Variants in TSPAN33 observed in about 807,000 individuals in gnomAD.
The protein encoded by TSPAN33 is tetraspanin 33.
In TSPAN33, 27 loss-of-function variants were observed where a neutral mutation model predicts 34.8. The observed-to-expected ratio is 0.78, with a 90% CI of 0.57 to 1.07. The LOEUF is 1.07. Among genes scored for constraint, TSPAN33 ranks in the 50% least tolerant of loss-of-function variants. The probability of loss-of-function intolerance (pLI) is 0.00; values close to 1 mark genes in which losing one functional copy is unlikely to be tolerated. For synonymous variants in TSPAN33, 119 were observed against 124.2 expected (o/e 0.96, Z 0.28); for missense variants, 272 against 324.9 (o/e 0.84, Z 1.25).
In TSPAN33 at chr7:129,161,676, C is replaced by G. The variant is rs1171493837; in HGVS notation, c.103-3C>G. 1 of 1,614,044 alleles carries G rather than the reference C, an allele frequency of 6.2e-7. No homozygotes were observed. The highest frequency in any genetic ancestry group is 1.7e-5 in the Admixed American group (1 of 60,004). On this transcript the variant is annotated splice_polypyrimidine_tract_variant and splice_region_variant and intron_variant, in intron 1 of 7. Coordinates refer to ENST00000486685, the MANE Select transcript of TSPAN33 (RefSeq NM_178562.5). ...GGGTCTGGCTCTTTTCCTGTCTCCA[C>G]AGGTGATTTCCATGGTGATGGTGGC...
chr7:129,144,977 G>A lies in TSPAN33; in HGVS notation c.-4G>A, dbSNP rs774793825. 9.5e-6 allele frequency: 6 copies of A among 634,234 alleles called. No individual in the cohort carries two copies. The highest frequency in any genetic ancestry group is 5.6e-5 in the Admixed American group (2 of 36,016). 39.3% of individuals were successfully genotyped at this position (634,234 alleles called of 1,614,324 possible). ...CCCCCGGGGGCGGTGGCGGCGGCGGGGCCATGGCGCGGAGACCCCGGGCGC... is the reference window on the plus strand; with the variant it reads ...CCCCCGGGGGCGGTGGCGGCGGCGGAGCCATGGCGCGGAGACCCCGGGCGC... On this transcript the variant is annotated 5_prime_UTR_variant, in exon 1 of 8. Coordinates refer to ENST00000486685, the MANE Select transcript of TSPAN33 (RefSeq NM_178562.5).
chr7:129,151,087 C>A lies in TSPAN33; in HGVS notation c.102+6005C>A, dbSNP rs932390871. Among the ~76,000 whole-genome samples, 4 of 152,142 alleles carry A rather than the reference C, an allele frequency of 2.6e-5. No homozygotes were observed. In the South Asian group the frequency reaches 8.3e-4, roughly 32 times the overall value. ...CTCTGCTTCTCAAGGCTTGTCACAC[C>A]ACCTTGGCCTTTTAAAACTTTTATT... On this transcript the variant is annotated intron_variant, in intron 1 of 7. Transcript: ENST00000486685.
At chr7:129,147,723 T>C (rs761022808) in intron 1 of TSPAN33, among the ~76,000 whole-genome samples, 1 of 152,190 alleles carries the variant, frequency 6.6e-6, no homozygotes, top group Admixed American at 6.5e-5. Context: ...CAGTGGTTAT[T>C]GTGTCTGTGC....
chr7:129,163,436 G>C (rs935031340), intron 4 of TSPAN33, among the ~76,000 whole-genome samples: 3 of 147,414 alleles, frequency 2.0e-5, no homozygotes, highest in African/African-American at 7.6e-5. Flanking sequence ...TGATCCTCCT[G>C]CCTCCATCTC....
Position 129,162,479 on chromosome 7 carries a change from C to T in TSPAN33, c.246C>T (p.Gly82=), listed in dbSNP as rs372845389. The T allele has an allele frequency of 3.9e-5, 63 of 1,613,938 alleles. No individual in the cohort carries two copies. The African/African-American group carries it at 5.6e-4, about 14-fold the overall frequency. Residue 82 remains glycine, a synonymous_variant, in exon 3 of 8, where the codon GGC becomes GGT. Coordinates refer to ENST00000486685, the MANE Select transcript of TSPAN33 (RefSeq NM_178562.5). Reference sequence around the variant, plus strand: ...TCATGTTCCTGCTCACCTTCTGTGGCTGCATTGGGTCCCTCCGCGAGAACA... The same window carrying T: ...TCATGTTCCTGCTCACCTTCTGTGGTTGCATTGGGTCCCTCCGCGAGAACA... ...GVLMFLLTFC[G]CIGSLRENIC...
rs1259089842 is a variant in TSPAN33 at position 129,144,789 on chromosome 7, T to A, written c.-192T>A. On this transcript the variant is annotated 5_prime_UTR_variant, in exon 1 of 8. Transcript: ENST00000486685. Reference sequence around the variant, plus strand: ...CGCTGCCCACCGCGGCTCCAGCAGCTCCAGGCGCGGTTCCCCGGCCCGCGC... The same window carrying A: ...CGCTGCCCACCGCGGCTCCAGCAGCACCAGGCGCGGTTCCCCGGCCCGCGC... 1 of 148,442 alleles carries A rather than the reference T, an allele frequency of 6.7e-6. No individual in the cohort carries two copies. Among genetic ancestry groups the A allele is most frequent in the Admixed American group, 6.7e-5 (1 of 14,974 alleles). 9.2% of individuals were successfully genotyped at this position (148,442 alleles called of 1,614,324 possible). A position where few individuals can be genotyped will look rare whatever the true frequency, so the allele number is the denominator to read the frequency against.
rs1338337407 is a variant in TSPAN33, at chr7:129,165,304, T to G, written c.459+735T>G. On this transcript the variant is annotated intron_variant, in intron 5 of 7. Transcript: ENST00000486685. This position sits in a 1 kb window ranked among gnomAD's most constrained non-coding sequence, Gnocchi z 4.5. The stretch of plus-strand genomic sequence containing the variant: ...TCCTCTCCTGAAATTCTGTATCCAT[T>G]GAACACTAAAGCCCCATTTTCCTCT... Among the ~76,000 whole-genome samples the G allele has an allele frequency of 1.3e-5, 2 of 152,226 alleles. No homozygotes were observed. The highest frequency in any genetic ancestry group is 2.9e-5 in the Non-Finnish European group (2 of 68,040).
At position 129,165,583 on chromosome 7, in the gene TSPAN33, C is replaced by G. The variant is rs574987115; in HGVS notation, c.459+1014C>G. Among the ~76,000 whole-genome samples, 1 of 152,186 alleles carries G rather than the reference C, an allele frequency of 6.6e-6. No homozygotes were observed. Among genetic ancestry groups the G allele is most frequent in the Non-Finnish European group, 1.5e-5 (1 of 68,036 alleles). On this transcript the variant is annotated intron_variant, in intron 5 of 7. Coordinates refer to ENST00000486685, the MANE Select transcript of TSPAN33 (RefSeq NM_178562.5). The surrounding 1 kb of genome is among the most constrained non-coding windows in gnomAD (Gnocchi z 4.5). ...GGAGAAAAGGGTTGCTTCCACCGTT[C>G]GGCTACTGTGAACAAGGCTGCTATG...
intron 1 of TSPAN33, among the ~76,000 whole-genome samples, chr7:129,150,660 G>A (rs1353608686): frequency 6.6e-6 from 1 of 152,170 alleles, no homozygotes; most frequent in Non-Finnish European, 1.5e-5. Flanking sequence ...TGCCCTCTTG[G>A]GTTTGTGGTC....
chr7:129,146,866 A>T (rs1052491096), intron 1 of TSPAN33, among the ~76,000 whole-genome samples: 6 of 152,062 alleles, frequency 3.9e-5, no homozygotes, highest in African/African-American at 7.2e-5. Flanking sequence ...CCTTGGAGCC[A>T]TTGGTACCTC....
At position 129,148,799 on chromosome 7, in the gene TSPAN33, C is replaced by T. The variant is rs971522236; in HGVS notation, c.102+3717C>T. ...GTCTTCCCTAGGCTGAGCCAAGCCA[C>T]CAGTGGGGCATCTTCTTCAAGAAAT... On this transcript the variant is annotated intron_variant, in intron 1 of 7. Transcript: ENST00000486685. This position sits in a 1 kb window ranked among gnomAD's most constrained non-coding sequence, Gnocchi z 4.2. Among the ~76,000 whole-genome samples, 25 of 152,308 alleles carry T rather than the reference C, an allele frequency of 1.6e-4. No individual in the cohort carries two copies. The highest frequency in any genetic ancestry group is 5.3e-4 in the African/African-American group (22 of 41,568).
chr7:129,149,229 A>ACCCT lies in TSPAN33; in HGVS notation c.102+4147_102+4148insCCCT, dbSNP rs377340937. 1.9e-3 allele frequency among the ~76,000 whole-genome samples: 285 copies of ACCCT among 152,332 alleles called. 1 individual carries two copies. Among genetic ancestry groups the ACCCT allele is most frequent in the African/African-American group, 5.9e-3 (244 of 41,562 alleles). ...CAGCAGCTTTGTTTGCCCTGTACCA[A>ACCCT]GTAGAAAACCATAAACGTCAAGCAG... On this transcript the variant is annotated intron_variant, in intron 1 of 7. Coordinates refer to ENST00000486685, the MANE Select transcript of TSPAN33 (RefSeq NM_178562.5).
intron 1 of TSPAN33, among the ~76,000 whole-genome samples, chr7:129,151,593 G>A (rs1252233767): frequency 1.3e-5 from 2 of 152,004 alleles, no homozygotes; most frequent in Non-Finnish European, 2.9e-5. Context: ...CTGTCTTGTG[G>A]GCTAGAATAA....
At chr7:129,164,133 A>G (rs1783879263) in intron 4 of TSPAN33, among the ~76,000 whole-genome samples, 2 of 152,202 alleles carry the variant, frequency 1.3e-5, no homozygotes, top group South Asian at 4.1e-4. Flanking sequence ...TCAGCTCAGT[A>G]AGCTACTTTC....
At chr7:129,166,991 T>G in intron 6 of TSPAN33, 85 bp downstream of exon 6, 5 of 1,474,112 alleles carry the variant, frequency 3.4e-6, no homozygotes, top group Non-Finnish European at 4.6e-6. Flanking sequence ...GGGATCCCCA[T>G]CCCCTAGCTT....
In TSPAN33 at chr7:129,164,741, G is replaced by C. The variant is rs1793111087; in HGVS notation, c.459+172G>C. 15 of 602,584 alleles carry C rather than the reference G, an allele frequency of 2.5e-5. No homozygotes were observed. The South Asian group carries it at 2.6e-4, about 10-fold the overall frequency. The allele number at this position is 602,584 out of a possible 1,614,324, so 37.3% of individuals were successfully genotyped here. ...AGAGTGCTTTAAATGTACTTTTAAA[G>C]ACACAGAACAGTATATATAGTAATC... is the stretch of plus-strand genomic sequence containing the variant. On this transcript the variant is annotated intron_variant, in intron 5 of 7. Transcript: ENST00000486685.
chr7:129,159,927 C>A (rs1793023963), intron 1 of TSPAN33, among the ~76,000 whole-genome samples: 1 of 152,134 alleles, frequency 6.6e-6, no homozygotes, highest in African/African-American at 2.4e-5. Context: ...CCTGTAATCC[C>A]AGCACTTTGG....
intron 2 of TSPAN33, among the ~76,000 whole-genome samples, 167 bp from the exon 3 acceptor site, chr7:129,162,227 T>C (rs974689441): frequency 2.0e-5 from 3 of 152,368 alleles, no homozygotes; most frequent in African/African-American, 7.2e-5. Flanking sequence ...TGGGCCCTTT[T>C]TGGTTCTCCC....
chr7:129,166,874 C>T lies in TSPAN33; in HGVS notation c.556C>T (p.Pro186Ser). The T allele has an allele frequency of 6.2e-7, 1 of 1,614,064 alleles. No individual in the cohort carries two copies. The highest frequency in any genetic ancestry group is 8.5e-7 in the Non-Finnish European group (1 of 1,179,994). ...DNPSRERCSVPYSCCLPTPDQ... is the reference protein window; with the variant it reads ...DNPSRERCSVSYSCCLPTPDQ... ...CCCCAGTCGAGAGCGCTGCTCTGTG[C>T]CTTACTCCTGTTGCTTGCCTACTCC... is the stretch of plus-strand genomic sequence containing the variant. Residue 186 changes from proline to serine, a missense_variant, in exon 6 of 8, where the codon CCT (proline) becomes TCT (serine). By Grantham distance (74) the Pro-to-Ser change is moderately conservative (BLOSUM62 -1). Coordinates refer to ENST00000486685, the MANE Select transcript of TSPAN33 (RefSeq NM_178562.5).
Sources: allele counts gnomAD v4.1 joint callset (sites outside exome capture counted in the v4.1 genomes callset), GRCh38; gene constraint gnomAD v4.1.1; non-coding constraint Gnocchi (gnomAD v3.1); transcripts MANE v1.5; gene names NCBI Gene and HGNC (gene_info 2026-07-23, HGNC 2026-07-21).